PTPRQ: variants seen among roughly 807,000 people sequenced by gnomAD.
PTPRQ encodes the protein phosphatidylinositol phosphatase PTPRQ.
A neutral mutation model predicts 246.0 loss-of-function variants in PTPRQ; 199 were observed. The ratio of observed to expected loss-of-function variants is 0.81; its 90% CI spans 0.72 to 0.91. The LOEUF (loss-of-function observed/expected upper bound fraction) is 0.91. PTPRQ is among the 40% of genes least tolerant of loss of function. PTPRQ has a pLI of 0.00. For missense variants in PTPRQ, 2,624 were observed against 2,528.4 expected, an observed-to-expected ratio of 1.04 and a Z score of -0.81; for synonymous variants, 869 against 853.2, an observed-to-expected ratio of 1.02 and a Z score of -0.32.
In PTPRQ at chr12:80,456,912, A is replaced by G. The variant is rs4489813; in HGVS notation, c.391-663A>G. Among the ~76,000 whole-genome samples the G allele has an allele frequency of 0.091, 13,905 of 152,184 alleles. 1,311 individuals are homozygous for G. The highest frequency in any genetic ancestry group is 0.23 in the African/African-American group (9,755 of 41,516). ...TAAATGTTACTTACAACAGTTAAGT[A>G]AATTGCTCAAAGCTACTATCTGGGA... On this transcript the variant is annotated intron_variant, in intron 3 of 44. Transcript: ENST00000644991.
At chr12:80,647,120 C>T (rs1009263720) in intron 35 of PTPRQ, among the ~76,000 whole-genome samples, 3 of 152,136 alleles carry the variant, frequency 2.0e-5, no homozygotes, top group Middle Eastern at 3.2e-3. Context: ...GCAGTACCGG[C>T]TCAAATGATC....
At chr12:80,567,674 CTAT>C (rs1433268498) in intron 25 of PTPRQ, among the ~76,000 whole-genome samples, 1 of 151,996 alleles carries the variant, frequency 6.6e-6, no homozygotes, top group Non-Finnish European at 1.5e-5. Context: ...CATGAATATA[CTAT>C]TATTAGTGTG....
At chr12:80,575,835 A>C (rs1189235543) in intron 25 of PTPRQ, among the ~76,000 whole-genome samples, 64 of 142,652 alleles carry the variant, frequency 4.5e-4, no homozygotes, top group Non-Finnish European at 8.2e-4. Context: ...GCGAAACCCC[A>C]TCTCAAAAAA....
At chr12:80,530,998 T>G (rs28409050) in intron 17 of PTPRQ, among the ~76,000 whole-genome samples, 1 of 152,024 alleles carries the variant, frequency 6.6e-6, no homozygotes, top group Non-Finnish European at 1.5e-5. Context: ...AAGTCCAGCC[T>G]AGGCAACATA....
At chr12:80,476,936 A>G (rs1893828813) in intron 8 of PTPRQ, among the ~76,000 whole-genome samples, 2 of 152,206 alleles carry the variant, frequency 1.3e-5, no homozygotes, top group African/African-American at 2.4e-5. Flanking sequence ...TTTATAGATA[A>G]GGAAAGTAGA....
At chr12:80,632,784 C>T (rs976405232) in intron 34 of PTPRQ, among the ~76,000 whole-genome samples, 8 of 152,090 alleles carry the variant, frequency 5.3e-5, no homozygotes, top group African/African-American at 7.2e-5. Flanking sequence ...GGAGCTGTTC[C>T]GTAGAAGCTA....
Position 80,539,753 on chromosome 12 carries a change from CAATGA to C in PTPRQ, c.2986-21_2986-17del, listed in dbSNP as rs779584083. The C allele has an allele frequency of 7.6e-5, 114 of 1,508,954 alleles. No homozygotes were observed. The African/African-American group carries it at 1.3e-3, about 18-fold the overall frequency. 93.5% of individuals were successfully genotyped at this position (1,508,954 alleles called of 1,614,324 possible). On this transcript the variant is annotated intron_variant, in intron 19 of 44. Transcript: ENST00000644991. The stretch of plus-strand genomic sequence containing the variant: ...GCATACTAAAAAAATACATTCTGAA[CAATGA>C]ATGTGTTTATTTTTCAGAATTTTAC...
chr12:80,667,004 A>G (rs1900806239), intron 39 of PTPRQ, among the ~76,000 whole-genome samples: 2 of 151,948 alleles, frequency 1.3e-5, no homozygotes, highest in African/African-American at 4.8e-5. Context: ...TAAACCACAC[A>G]CTATGTTTGA....
At chr12:80,597,011 A>AG (rs1165944176) in intron 26 of PTPRQ, among the ~76,000 whole-genome samples, 6 of 152,134 alleles carry the variant, frequency 3.9e-5, no homozygotes, top group African/African-American at 1.4e-4. Context: ...GATCTTGACT[A>AG]GGACTTGAGC....
chr12:80,546,645 T>TGG lies in PTPRQ; in HGVS notation c.3964_3965dup (p.Asn1323GlufsTer9). The TGG allele has an allele frequency of 6.4e-7, 1 of 1,551,546 alleles. No individual in the cohort carries two copies. The highest frequency in any genetic ancestry group is 8.7e-7 in the Non-Finnish European group (1 of 1,146,904). On this transcript the variant is annotated frameshift_variant, in exon 24 of 45. Transcript: ENST00000644991. LOFTEE classifies it high-confidence loss of function. ...TCCGTGTATCTGCGTTCACCAAAGT[T>TGG]GGAAATGGCAATCAATTTAGTAATG...
rs1565708010 is a variant in PTPRQ, at chr12:80,445,688, C to T, written c.361C>T (p.Leu121Phe). 6.5e-7 allele frequency: 1 copy of T among 1,546,742 alleles called. No homozygotes were observed. The highest frequency in any genetic ancestry group is 1.7e-4 in the Middle Eastern group (1 of 5,970). ...PDSLEVLLTN[L>F]NPGTTYEIKV... ...CAGTCTGGAAGTTCTTCTTACTAAT[C>T]TTAATCCTGGAACAACATATGAAAT... The change falls in exon 3 of 45, where the codon CTT (leucine) becomes TTT (phenylalanine). Residue 121 changes from leucine to phenylalanine, a missense_variant. Leu to Phe is a conservative substitution (Grantham distance 22). Transcript: ENST00000644991.
At chr12:80,673,362 C>T (rs775417036) in intron 43 of PTPRQ, 58 bp downstream of exon 43, 1 of 1,513,982 alleles carries the variant, frequency 6.6e-7, no homozygotes, top group East Asian at 2.5e-5. Context: ...CATGGGAGAT[C>T]TTAGTGGCAG....
chr12:80,523,529 G>C (rs1895579408), intron 17 of PTPRQ, among the ~76,000 whole-genome samples: 2 of 152,114 alleles, frequency 1.3e-5, no homozygotes, highest in South Asian at 4.1e-4. Flanking sequence ...TCTACACACT[G>C]CTTTGAATGT....
At chr12:80,659,857 G>A (rs1900571271) in intron 39 of PTPRQ, among the ~76,000 whole-genome samples, 1 of 152,016 alleles carries the variant, frequency 6.6e-6, no homozygotes, top group South Asian at 2.1e-4. Flanking sequence ...TCAGATGGAA[G>A]GCACTTTACA....
intron 24 of PTPRQ, among the ~76,000 whole-genome samples, chr12:80,548,145 T>C (rs1274153320): frequency 6.6e-6 from 1 of 152,124 alleles, no homozygotes; most frequent in African/African-American, 2.4e-5. Context: ...CCCATAAATA[T>C]TTTTTATCAG....
chr12:80,500,626 C>A (rs929837293), intron 14 of PTPRQ, among the ~76,000 whole-genome samples: 8 of 151,978 alleles, frequency 5.3e-5, no homozygotes, highest in African/African-American at 1.9e-4. Context: ...TAAACCCAAT[C>A]TTTTATCTAT....
chr12:80,636,237 G>A (rs143678000), intron 35 of PTPRQ, among the ~76,000 whole-genome samples: 3 of 152,250 alleles, frequency 2.0e-5, no homozygotes, highest in African/African-American at 7.2e-5. Context: ...GTACTCCAAA[G>A]ATTTAAGTGT....
intron 29 of PTPRQ, among the ~76,000 whole-genome samples, chr12:80,615,498 C>G (rs1898718856): frequency 6.6e-6 from 1 of 151,076 alleles, no homozygotes; most frequent in African/African-American, 2.4e-5. Flanking sequence ...TCTCTGTCTA[C>G]AGCTTCCTTA....
rs191946631 is a variant in PTPRQ at position 80,658,185 on chromosome 12, T to C, written c.6192+124T>C. 2.3e-4 allele frequency: 126 copies of C among 557,432 alleles called. No individual in the cohort carries two copies. The African/African-American group carries it at 2.3e-3, about 10-fold the overall frequency. 34.5% of individuals were successfully genotyped at this position (557,432 alleles called of 1,614,324 possible). A position where few individuals can be genotyped will look rare whatever the true frequency, so the allele number is the denominator to read the frequency against. ...CCTATGGATCTTAATATGCTAGTTA[T>C]TTACAGCCACATTGTGTACCCTTAT... is the stretch of plus-strand genomic sequence containing the variant. On this transcript the variant is annotated intron_variant, in intron 39 of 44. Transcript: ENST00000644991.
Sources: gnomAD v4.1 joint callset for allele counts (sites outside exome capture counted in the v4.1 genomes callset) on GRCh38, gnomAD v4.1.1 for gene constraint, MANE v1.5 for transcripts, NCBI Gene and HGNC (gene_info 2026-07-23, HGNC 2026-07-21) for gene names.